Variants in ARHGAP44 observed in about 807,000 individuals in gnomAD.
ARHGAP44 encodes the protein Rho GTPase activating protein 44.
A neutral mutation model predicts 106.8 loss-of-function variants in ARHGAP44; 43 were observed. That is an observed-to-expected ratio of 0.40 (90% confidence interval 0.32 to 0.52). ARHGAP44 has a LOEUF of 0.52. Ranked by LOEUF, ARHGAP44 falls within the 20% of genes least tolerant of loss-of-function variation. ARHGAP44 has a pLI of 0.48. For synonymous variants in ARHGAP44, 439 were observed against 410.3 expected, an observed-to-expected ratio of 1.07 and a Z score of -0.85; for missense variants, 866 against 1,050.5, an observed-to-expected ratio of 0.82 and a Z score of 2.43.
chr17:12,984,062 T>C (rs8069856), intron 19 of ARHGAP44, among the ~76,000 whole-genome samples: 117,282 of 152,042 alleles, frequency 0.77, 45,737 homozygotes, highest in East Asian at 0.97. Flanking sequence ...GTCAGTTTTC[T>C]ATCCCGAGGA....
intron 1 of ARHGAP44, among the ~76,000 whole-genome samples, chr17:12,807,935 A>G (rs1466941631): frequency 6.6e-6 from 1 of 152,228 alleles, no homozygotes; most frequent in Non-Finnish European, 1.5e-5. Flanking sequence ...CCCAGATACA[A>G]TGGTTACAAT....
At position 12,802,955 on chromosome 17, in the gene ARHGAP44, ATATATATATATATATTTTT is replaced by A. The variant is rs1453294432; in HGVS notation, c.53+13066_53+13084del. Among the ~76,000 whole-genome samples, 17 of 22,102 alleles carry A rather than the reference ATATATATATATATATTTTT, an allele frequency of 7.7e-4. No individual in the cohort carries two copies. In the African/African-American group the frequency reaches 9.5e-3, roughly 12 times the overall value. 14.5% of individuals were successfully genotyped at this position (22,102 alleles called of 152,430 possible). On this transcript the variant is annotated intron_variant, in intron 1 of 20. Transcript: ENST00000379672. The stretch of plus-strand genomic sequence containing the variant: ...TATATATATATATATATATATATAT[ATATATATATATATATTTTT>A]TTTTTTTTTTTTTTTTGAGGCAGAG...
intron 12 of ARHGAP44, 111 bp from the exon 13 acceptor site, chr17:12,952,390 T>C (rs9904367): frequency 2.4e-6 from 2 of 841,840 alleles, no homozygotes; most frequent in East Asian, 2.7e-5. Flanking sequence ...CTTGCTGATA[T>C]GGTCAGTTAC....
At chr17:12,944,717 T>G (rs2038805009) in intron 10 of ARHGAP44, among the ~76,000 whole-genome samples, 1 of 150,966 alleles carries the variant, frequency 6.6e-6, no homozygotes. Flanking sequence ...TCTCGATCCC[T>G]TGACCTTGTG....
chr17:12,989,632 G>T (rs998369101), intron 20 of ARHGAP44, among the ~76,000 whole-genome samples: 1 of 152,046 alleles, frequency 6.6e-6, no homozygotes, highest in Non-Finnish European at 1.5e-5. Context: ...AGGAGAAAGG[G>T]GTCCACTGTC....
chr17:12,937,016 T>G (rs915809030), intron 7 of ARHGAP44, among the ~76,000 whole-genome samples: 1 of 152,186 alleles, frequency 6.6e-6, no homozygotes, highest in African/African-American at 2.4e-5. Flanking sequence ...TGGTAAGGTG[T>G]GGGAGAAGGG....
At chr17:12,954,215 G>A (rs2039071946) in intron 13 of ARHGAP44, among the ~76,000 whole-genome samples, 3 of 152,058 alleles carry the variant, frequency 2.0e-5, no homozygotes, top group East Asian at 1.9e-4. Context: ...TTGTTTAATC[G>A]GGACAAGGTT....
chr17:12,932,250 T>C (rs2038423644), intron 7 of ARHGAP44, among the ~76,000 whole-genome samples: 1 of 152,232 alleles, frequency 6.6e-6, no homozygotes, highest in Non-Finnish European at 1.5e-5. Context: ...ACTATTGTGT[T>C]CTTAATTTCC....
intron 16 of ARHGAP44, among the ~76,000 whole-genome samples, chr17:12,972,453 G>T (rs920711373): frequency 1.6e-4 from 25 of 151,960 alleles, no homozygotes; most frequent in Non-Finnish European, 3.2e-4. Context: ...TTTGAGACCA[G>T]CCTGGCCAAG....
intron 1 of ARHGAP44, among the ~76,000 whole-genome samples, chr17:12,838,822 C>T (rs1053939034): frequency 1.3e-4 from 20 of 151,994 alleles, no homozygotes; most frequent in African/African-American, 2.2e-4. Context: ...CAGACACCCA[C>T]CACCATGCGT....
intron 5 of ARHGAP44, among the ~76,000 whole-genome samples, chr17:12,918,113 C>T (rs902567103): frequency 2.6e-5 from 4 of 152,184 alleles, no homozygotes; most frequent in Admixed American, 6.5e-5. Flanking sequence ...AGGAGGGTCC[C>T]GGGTCTGGCC....
At chr17:12,965,989 C>T (rs926011119) in intron 16 of ARHGAP44, among the ~76,000 whole-genome samples, 2 of 152,076 alleles carry the variant, frequency 1.3e-5, no homozygotes, top group Non-Finnish European at 2.9e-5. Context: ...ATCATCTATA[C>T]AAACAATTTT....
intron 1 of ARHGAP44, among the ~76,000 whole-genome samples, chr17:12,892,558 C>G (rs1291234599): frequency 2.6e-5 from 4 of 151,890 alleles, no homozygotes; most frequent in African/African-American, 9.7e-5. Flanking sequence ...TTTATTGTGG[C>G]CAACTTAGTC....
intron 1 of ARHGAP44, among the ~76,000 whole-genome samples, chr17:12,883,532 A>G (rs1269586868): frequency 6.6e-6 from 1 of 151,054 alleles, no homozygotes; most frequent in Non-Finnish European, 1.5e-5. Context: ...TTGCTACCGA[A>G]CAAATTTGAT....
chr17:12,953,269 G>T (rs891880275), intron 13 of ARHGAP44, among the ~76,000 whole-genome samples: 1 of 152,060 alleles, frequency 6.6e-6, no homozygotes, highest in East Asian at 1.9e-4. Flanking sequence ...CTTCCGGCGC[G>T]CTGCAGATCC....
chr17:12,957,514 C>A (rs1164765090), intron 15 of ARHGAP44, among the ~76,000 whole-genome samples: 1 of 152,104 alleles, frequency 6.6e-6, no homozygotes, highest in African/African-American at 2.4e-5. Flanking sequence ...TACAGACCCA[C>A]CTTTTGCTAC....
intron 1 of ARHGAP44, among the ~76,000 whole-genome samples, chr17:12,846,345 C>T (rs540886811): frequency 6.6e-6 from 1 of 152,206 alleles, no homozygotes; most frequent in South Asian, 2.1e-4. Context: ...CATAGGCAGC[C>T]CCCATCTATT....
At chr17:12,904,324 T>G (rs1475500055) in intron 3 of ARHGAP44, among the ~76,000 whole-genome samples, 1 of 152,198 alleles carries the variant, frequency 6.6e-6, no homozygotes, top group Non-Finnish European at 1.5e-5. Context: ...GCCAGGATGG[T>G]CTCAATCTCT....
At chr17:12,863,065 G>A (rs560499078) in intron 1 of ARHGAP44, among the ~76,000 whole-genome samples, 76 of 151,646 alleles carry the variant, frequency 5.0e-4, no homozygotes, top group African/African-American at 1.7e-3. Context: ...AGGCAGGAGG[G>A]TCGCTTGGGC....
Sources: gnomAD v4.1 joint callset for allele counts (sites outside exome capture counted in the v4.1 genomes callset) on GRCh38, gnomAD v4.1.1 for gene constraint, MANE v1.5 for transcripts, NCBI Gene and HGNC (gene_info 2026-07-23, HGNC 2026-07-21) for gene names.